Variants in CNTN4 observed in about 807,000 individuals in gnomAD.
CNTN4 encodes the protein contactin-4.
In CNTN4, 77 loss-of-function variants were observed where a neutral mutation model predicts 122.5. The ratio of observed to expected loss-of-function variants is 0.63; its 90% confidence interval spans 0.52 to 0.76. CNTN4 has a LOEUF of 0.76. Among genes scored for constraint, CNTN4 ranks in the 30% least tolerant of loss-of-function variants. CNTN4 has a pLI of 0.00. For missense variants in CNTN4, 1,256 were observed against 1,259.1 expected, an observed-to-expected ratio of 1.00 and a Z score of 0.04; for synonymous variants, 512 against 447.0, an observed-to-expected ratio of 1.15 and a Z score of -1.83.
chr3:2,527,989 C>G (rs1353353821), intron 3 of CNTN4, among the ~76,000 whole-genome samples: 3 of 152,084 alleles, frequency 2.0e-5, no homozygotes, highest in Non-Finnish European at 4.4e-5. Flanking sequence ...TTTCAATGTT[C>G]TTTCATTTGG....
chr3:2,150,710 A>C (rs2035458604), intron 2 of CNTN4, among the ~76,000 whole-genome samples: 1 of 152,182 alleles, frequency 6.6e-6, no homozygotes, highest in South Asian at 2.1e-4. Flanking sequence ...TTTACTCTTA[A>C]AGTCATTCTC....
At chr3:2,391,672 G>C (rs1444904457) in intron 3 of CNTN4, among the ~76,000 whole-genome samples, 1 of 152,144 alleles carries the variant, frequency 6.6e-6, no homozygotes, top group Admixed American at 6.5e-5. Context: ...TCAAAATTTA[G>C]ATTGAGAAAA....
chr3:2,266,444 TTTTCTTCA>T (rs1345595556), intron 2 of CNTN4, among the ~76,000 whole-genome samples: 1 of 152,060 alleles, frequency 6.6e-6, no homozygotes, highest in Non-Finnish European at 1.5e-5. Context: ...TTAAGCCTAC[TTTTCTTCA>T]TTTCTCAGAG....
intron 23 of CNTN4, among the ~76,000 whole-genome samples, chr3:3,051,070 A>C (rs1341425058): frequency 6.6e-6 from 1 of 152,170 alleles, no homozygotes; most frequent in Non-Finnish European, 1.5e-5. Context: ...ATTTTTTAAA[A>C]GTTCATCAGC....
intron 4 of CNTN4, among the ~76,000 whole-genome samples, chr3:2,657,121 A>G (rs934476664): frequency 1.3e-5 from 2 of 152,228 alleles, no homozygotes; most frequent in Non-Finnish European, 2.9e-5. Context: ...ACGTAGGTTA[A>G]TGTCATGAAG....
At chr3:2,540,069 TTGTGTGTGTGTG>T (rs35310430) in intron 3 of CNTN4, among the ~76,000 whole-genome samples, 2 of 148,960 alleles carry the variant, frequency 1.3e-5, no homozygotes, top group East Asian at 2.0e-4. Context: ...TTCATCAGTG[TTGTGTGTGTGTG>T]TGTGTGTGTG....
chr3:2,157,216 A>G (rs17008507), intron 2 of CNTN4, among the ~76,000 whole-genome samples: 1 of 152,164 alleles, frequency 6.6e-6, no homozygotes, highest in Non-Finnish European at 1.5e-5. Context: ...ATGAGATTAC[A>G]TAAGACCTGG....
chr3:2,287,635 A>AAGGAGAAGG lies in CNTN4; in HGVS notation c.-144-51541_-144-51540insGAGAAGGAG, dbSNP rs777888769. Among the ~76,000 whole-genome samples, 267 of 31,856 alleles carry AAGGAGAAGG rather than the reference A, an allele frequency of 8.4e-3. 2 individuals carry two copies. The highest frequency in any genetic ancestry group is 0.014 in the Middle Eastern group (1 of 70). 20.9% of individuals were successfully genotyped at this position (31,856 alleles called of 152,430 possible). A position where few individuals can be genotyped will look rare whatever the true frequency, so the allele number is the denominator to read the frequency against. The stretch of plus-strand genomic sequence containing the variant: ...GAAGGAGAAGGAGAAGGAGAAGGAG[A>AAGGAGAAGG]AGAAGAAGAAGAAGAAGAAGAAGAA... On this transcript the variant is annotated intron_variant, in intron 2 of 24. Coordinates refer to ENST00000418658, the MANE Select transcript of CNTN4 (RefSeq NM_175607.3).
intron 4 of CNTN4, among the ~76,000 whole-genome samples, chr3:2,650,790 T>C (rs2083325289): frequency 1.3e-5 from 2 of 152,368 alleles, no homozygotes; most frequent in East Asian, 3.9e-4. Context: ...ATAATGCTAT[T>C]GTACACTTAT....
chr3:2,567,597 G>T (rs892511281), intron 3 of CNTN4, among the ~76,000 whole-genome samples: 2 of 152,110 alleles, frequency 1.3e-5, no homozygotes, highest in African/African-American at 4.8e-5. Flanking sequence ...CATAAGTTTG[G>T]CAGATAGATA....
At chr3:2,347,689 C>T (rs55791983) in intron 3 of CNTN4, among the ~76,000 whole-genome samples, 3 of 61,758 alleles carry the variant, frequency 4.9e-5, no homozygotes, top group Non-Finnish European at 1.0e-4. Context: ...GAATTACAAG[C>T]GTGAGCCACC....
In CNTN4 at chr3:2,883,162, G is replaced by C. The variant is rs764363076; in HGVS notation, c.670G>C (p.Glu224Gln). 1.2e-6 allele frequency: 2 copies of C among 1,613,418 alleles called. No homozygotes were observed. The change falls in exon 9 of 25, where the codon GAG becomes CAG. Residue 224 changes from glutamate (E) to glutamine (Q), a missense_variant. Coordinates refer to ENST00000418658, the MANE Select transcript of CNTN4 (RefSeq NM_175607.3). ...ATTCACAGGAGTGATGGGTGAATAT[G>C]AGCCCAAAATAGAAGTGCAGTTCCC... is the stretch of plus-strand genomic sequence containing the variant. The part of the protein sequence containing the change: ...LRNDGVMGEY[E>Q]PKIEVQFPET...
chr3:2,502,243 T>TACTCC (rs1475631805), intron 3 of CNTN4, among the ~76,000 whole-genome samples: 2 of 152,296 alleles, frequency 1.3e-5, no homozygotes, highest in Non-Finnish European at 2.9e-5. Context: ...ATTTTAGAGA[T>TACTCC]ACTCCACTTC....
intron 6 of CNTN4, among the ~76,000 whole-genome samples, chr3:2,746,209 A>G (rs2089763120): frequency 6.6e-6 from 1 of 152,184 alleles, no homozygotes; most frequent in Non-Finnish European, 1.5e-5. Flanking sequence ...GAGTTGGAAA[A>G]AAACTCAGTA....
intron 2 of CNTN4, among the ~76,000 whole-genome samples, chr3:2,305,605 A>G (rs2042673908): frequency 6.6e-6 from 1 of 152,106 alleles, no homozygotes; most frequent in African/African-American, 2.4e-5. Context: ...ACTTTGATGA[A>G]ATTATTTTTG....
chr3:3,048,487 A>C (rs1700904997), intron 23 of CNTN4, among the ~76,000 whole-genome samples: 1 of 149,496 alleles, frequency 6.7e-6, no homozygotes, highest in Admixed American at 6.7e-5. Flanking sequence ...GGTACCAATG[A>C]ATAACTCTCT....
At chr3:2,117,307 A>T (rs1358016142) in intron 2 of CNTN4, among the ~76,000 whole-genome samples, 27 of 152,196 alleles carry the variant, frequency 1.8e-4, no homozygotes, top group Admixed American at 1.8e-3. Flanking sequence ...AGATGAAGAG[A>T]TTCAGAGGGT....
chr3:2,883,083 A>T (rs939288196), intron 8 of CNTN4, 62 bp from the exon 9 acceptor site: 1 of 1,161,160 alleles, frequency 8.6e-7, no homozygotes, highest in Admixed American at 1.9e-5. Flanking sequence ...CAGAAAAATG[A>T]GTTTTACATT....
intron 4 of CNTN4, among the ~76,000 whole-genome samples, chr3:2,689,271 T>C (rs1056260055): frequency 2.0e-5 from 3 of 152,116 alleles, no homozygotes; most frequent in African/African-American, 7.2e-5. Context: ...GACATTCCCA[T>C]TGTCACATCC....
Sources: gnomAD v4.1 joint callset for allele counts (sites outside exome capture counted in the v4.1 genomes callset) on GRCh38, gnomAD v4.1.1 for gene constraint, MANE v1.5 for transcripts, NCBI Gene and HGNC (gene_info 2026-07-23, HGNC 2026-07-21) for gene names.